Variants in NAV3 observed in about 807,000 individuals in gnomAD.
NAV3 encodes pore membrane and/or filament interacting like protein 1.
NAV3 carries 87 observed loss-of-function variants against 244.7 expected under a neutral mutation model. That is an observed-to-expected ratio of 0.36 (90% CI 0.30 to 0.42). The LOEUF (loss-of-function observed/expected upper bound fraction) is 0.42, where lower values mean the gene tolerates loss of function less well. Among genes scored for constraint, NAV3 ranks in the 20% least tolerant of loss-of-function variants. NAV3 has a pLI of 1.00. For synonymous variants in NAV3, 1,126 were observed against 1,042.2 expected (o/e 1.08, Z -1.55); for missense variants, 2,663 against 2,893.3 (o/e 0.92, Z 1.83).
intron 2 of NAV3, among the ~76,000 whole-genome samples, chr12:77,631,467 T>C (rs1455653619): frequency 6.8e-6 from 1 of 146,552 alleles, no homozygotes; most frequent in Non-Finnish European, 1.5e-5. Flanking sequence ...TGTTAATCTT[T>C]TGGAAAAAAA....
intron 2 of NAV3, among the ~76,000 whole-genome samples, chr12:77,816,389 A>T (rs1007313800): frequency 6.6e-6 from 1 of 152,212 alleles, no homozygotes; most frequent in African/African-American, 2.4e-5. Context: ...TTCAGTTTGA[A>T]TAGGATTGGT....
At chr12:77,917,599 T>G (rs912174565) in intron 1 of NAV3, among the ~76,000 whole-genome samples, 1 of 152,050 alleles carries the variant, frequency 6.6e-6, no homozygotes, top group African/African-American at 2.4e-5. Flanking sequence ...ATTGCCTGTT[T>G]GCCCTCCTTG....
Position 77,672,681 on chromosome 12 carries a change from GA to G in NAV3, c.72+100418del, listed in dbSNP as rs200610912. ...TACATTGGACTTTGAGGACTCAGGG[GA>G]AAGGGTGGGAGTGGGGTGAGGGATA... On this transcript the variant is annotated intron_variant, in intron 2 of 8. Coordinates refer to the NAV3 transcript ENST00000550042. 3.8e-4 allele frequency among the ~76,000 whole-genome samples: 58 copies of G among 152,162 alleles called. 1 individual carries two copies. In the East Asian group the frequency reaches 0.011, roughly 28 times the overall value.
chr12:78,113,158 C>A (rs1955188979), intron 12 of NAV3, among the ~76,000 whole-genome samples: 1 of 152,234 alleles, frequency 6.6e-6, no homozygotes. Context: ...TTGCAGGGTA[C>A]AGCCCCACTC....
intron 12 of NAV3, among the ~76,000 whole-genome samples, chr12:78,105,147 C>A (rs188382998): frequency 2.0e-5 from 3 of 152,200 alleles, no homozygotes; most frequent in Admixed American, 6.5e-5. Flanking sequence ...CTTATACCAA[C>A]TGACAACATT....
chr12:78,027,943 G>A (rs909244605), intron 9 of NAV3, among the ~76,000 whole-genome samples: 10 of 150,850 alleles, frequency 6.6e-5, no homozygotes, highest in Non-Finnish European at 1.2e-4. Flanking sequence ...AAAAGGAAGC[G>A]TTTTTTTTTG....
chr12:78,198,855 C>G (rs1959282968), intron 36 of NAV3, among the ~76,000 whole-genome samples, 179 bp downstream of exon 36: 1 of 147,242 alleles, frequency 6.8e-6, no homozygotes, highest in East Asian at 2.0e-4. Context: ...TTCTGACACT[C>G]TTTCTCAAGC....
chr12:78,029,937 A>G (rs544191307), intron 9 of NAV3, among the ~76,000 whole-genome samples: 2 of 152,300 alleles, frequency 1.3e-5, no homozygotes, highest in East Asian at 1.9e-4. Flanking sequence ...CTGTTAGGTG[A>G]CTGAGATAGA....
intron 2 of NAV3, among the ~76,000 whole-genome samples, chr12:77,683,401 T>C (rs1874562937): frequency 6.6e-6 from 1 of 152,104 alleles, no homozygotes; most frequent in African/African-American, 2.4e-5. Flanking sequence ...TACCATGCTG[T>C]TTTGATTACT....
intron 8 of NAV3, among the ~76,000 whole-genome samples, chr12:78,016,652 A>G (rs558473169): frequency 6.6e-6 from 1 of 152,262 alleles, no homozygotes; most frequent in South Asian, 2.1e-4. Flanking sequence ...TTGGGGTTAT[A>G]AACAGGAATT....
chr12:77,985,783 A>G (rs1870399111), intron 5 of NAV3, among the ~76,000 whole-genome samples: 1 of 151,704 alleles, frequency 6.6e-6, no homozygotes, highest in South Asian at 2.1e-4. Flanking sequence ...ATTTACTTCT[A>G]TTTCCTGTGC....
chr12:77,877,308 A>G (rs920928049), intron 1 of NAV3, among the ~76,000 whole-genome samples: 3 of 152,118 alleles, frequency 2.0e-5, no homozygotes, highest in African/African-American at 7.2e-5. Context: ...GAAGTTTTAA[A>G]TTAATAATTT....
intron 12 of NAV3, among the ~76,000 whole-genome samples, chr12:78,076,479 T>A (rs1953057397): frequency 6.6e-6 from 1 of 152,180 alleles, no homozygotes; most frequent in Non-Finnish European, 1.5e-5. Context: ...CAGAATCGAA[T>A]GCAGTTCTTA....
chr12:77,964,120 G>T (rs1164072965), intron 3 of NAV3, among the ~76,000 whole-genome samples: 3 of 151,262 alleles, frequency 2.0e-5, no homozygotes, highest in Non-Finnish European at 2.9e-5. Flanking sequence ...TGTGGTGCAA[G>T]TTGAGAGAGA....
Position 78,154,324 on chromosome 12 carries a change from G to GTAATATATTACTATATAATATATATATAC in NAV3, c.4786-4877_4786-4876insATATATTACTATATAATATATATATACTA, listed in dbSNP as rs1957212495. On this transcript the variant is annotated intron_variant, in intron 22 of 39. Transcript: ENST00000397909. ...CTATATAATATATAGTATATATATA[G>GTAATATATTACTATATAATATATATATAC]TATATATTATATAGTAATATATTAC... 9.9e-5 allele frequency among the ~76,000 whole-genome samples: 13 copies of GTAATATATTACTATATAATATATATATAC among 131,912 alleles called. 1 individual carries two copies. Among genetic ancestry groups the GTAATATATTACTATATAATATATATATAC allele is most frequent in the African/African-American group, 3.6e-4 (13 of 35,900 alleles). The allele number at this position is 131,912 out of a possible 152,430, so 86.5% of individuals were successfully genotyped here.
At chr12:77,781,854 T>G (rs893919137) in intron 2 of NAV3, among the ~76,000 whole-genome samples, 1 of 152,170 alleles carries the variant, frequency 6.6e-6, no homozygotes, top group African/African-American at 2.4e-5. Context: ...AGAGAATGAC[T>G]AGGGCAAGTG....
chr12:77,665,989 T>A (rs1265992485), intron 2 of NAV3, among the ~76,000 whole-genome samples: 1 of 152,190 alleles, frequency 6.6e-6, no homozygotes, highest in Non-Finnish European at 1.5e-5. Context: ...TAGGATAAAC[T>A]CTTTTTGACA....
chr12:77,688,047 T>G lies in NAV3; in HGVS notation c.72+115781T>G, dbSNP rs116810602. Among the ~76,000 whole-genome samples, 760 of 152,182 alleles carry G rather than the reference T, an allele frequency of 5.0e-3. 6 individuals are homozygous for G. The highest frequency in any genetic ancestry group is 0.018 in the African/African-American group (734 of 41,546). On this transcript the variant is annotated intron_variant, in intron 2 of 8. Coordinates refer to the NAV3 transcript ENST00000550042. ...AACAGAATATAAATATCATAGCCAA[T>G]TAAGACCCACAGATTTCCTTTTAAA...
chr12:78,139,106 A>G (rs542483804), intron 19 of NAV3, among the ~76,000 whole-genome samples: 89 of 148,810 alleles, frequency 6.0e-4, no homozygotes, highest in African/African-American at 2.0e-3. Flanking sequence ...ATTTTTTTTT[A>G]AATAATTGAC....
Sources: gnomAD v4.1 joint callset for allele counts (sites outside exome capture counted in the v4.1 genomes callset) on GRCh38, gnomAD v4.1.1 for gene constraint, MANE v1.5 for transcripts, NCBI Gene and HGNC (gene_info 2026-07-23, HGNC 2026-07-21) for gene names.